ZBTB1: variants seen among roughly 807,000 people sequenced by gnomAD.
ZBTB1 encodes zinc finger and BTB domain containing 1, also known as zinc finger and BTB domain-containing protein 1.
ZBTB1 carries 13 observed loss-of-function variants against 51.6 expected under a neutral mutation model. The ratio of observed to expected loss-of-function variants is 0.25; its 90% CI spans 0.16 to 0.40. The LOEUF is 0.40. ZBTB1 is among the 10% of genes least tolerant of loss of function. The pLI is 1.00. For synonymous variants in ZBTB1, 240 were observed against 282.2 expected (o/e 0.85, Z 1.50); for missense variants, 567 against 856.5 (o/e 0.66, Z 4.22).
At chr14:64,517,873 A>G (rs2140141994) in intron 1 of ZBTB1, among the ~76,000 whole-genome samples, 2 of 143,648 alleles carry the variant, frequency 1.4e-5, no homozygotes, top group African/African-American at 5.3e-5. Context: ...AACCTCCCTC[A>G]GCCAGGCTGG....
intron 1 of ZBTB1, among the ~76,000 whole-genome samples, chr14:64,511,538 A>C (rs2079724247): frequency 6.8e-6 from 1 of 147,002 alleles, no homozygotes; most frequent in Non-Finnish European, 1.5e-5. Flanking sequence ...TTCAGGAATT[A>C]AAACTTTACA....
intron 1 of ZBTB1, among the ~76,000 whole-genome samples, chr14:64,517,782 T>TATATA (rs1491377695): frequency 1.8e-3 from 61 of 34,766 alleles, no homozygotes; most frequent in South Asian, 7.4e-3. Context: ...TATATATATA[T>TATATA]TTTTTTTTTT....
At position 64,522,716 on chromosome 14, in the gene ZBTB1, T is replaced by C. The variant is rs1161347115; in HGVS notation, c.1212T>C (p.Asn404=). 4 of 1,614,180 alleles carry C rather than the reference T, an allele frequency of 2.5e-6. No individual in the cohort carries two copies. Among genetic ancestry groups the C allele is most frequent in the East Asian group, 4.5e-5 (2 of 44,890 alleles). Residue 404 remains asparagine (N), a synonymous_variant, in exon 2 of 2, where the codon AAT becomes AAC. Coordinates refer to ENST00000683701, the MANE Select transcript of ZBTB1 (RefSeq NM_001123329.2). ...CTGATGAAAGAGGTGGTTTAGAGAA[T>C]ATGAGGCCCCCTAACAACAGCAGTC... ...VSADERGGLE[N]MRPPNNSSPV...
chr14:64,512,114 G>T (rs1337752232), intron 1 of ZBTB1, among the ~76,000 whole-genome samples: 3 of 152,032 alleles, frequency 2.0e-5, no homozygotes, highest in Admixed American at 2.0e-4. Context: ...TTTTTAAATT[G>T]TACTGTGCTT....
chr14:64,508,018 T>C (rs1306820719), intron 1 of ZBTB1, among the ~76,000 whole-genome samples: 2 of 152,162 alleles, frequency 1.3e-5, no homozygotes, highest in African/African-American at 4.8e-5. Flanking sequence ...TGTTTTCAGA[T>C]GTGGCATGGA....
chr14:64,526,079 A>G (rs1398661803), downstream of ZBTB1, among the ~76,000 whole-genome samples: 1 of 152,088 alleles, frequency 6.6e-6, no homozygotes, highest in Non-Finnish European at 1.5e-5. Context: ...CAGCCTCCCA[A>G]AGTGCTGGGA....
downstream of ZBTB1, chr14:64,525,000 A>G (rs1351691942): frequency 1.1e-6 from 1 of 910,494 alleles, no homozygotes; most frequent in Non-Finnish European, 1.3e-6. Flanking sequence ...TTCATAATGA[A>G]AGGGATTTTA....
At chr14:64,521,265 A>T (rs1294218039) in intron 1 of ZBTB1, among the ~76,000 whole-genome samples, 2 of 152,200 alleles carry the variant, frequency 1.3e-5, no homozygotes, top group African/African-American at 2.4e-5. Context: ...TTTGCTTTTG[A>T]TGCCTTTGTT....
chr14:64,528,144 A>G (rs1192491824), downstream of ZBTB1, among the ~76,000 whole-genome samples: 1 of 152,078 alleles, frequency 6.6e-6, no homozygotes, highest in Non-Finnish European at 1.5e-5. Flanking sequence ...TTTCTGGAAA[A>G]TCTTCCCCAA....
intron 1 of ZBTB1, among the ~76,000 whole-genome samples, chr14:64,513,757 T>C (rs528893439): frequency 6.6e-6 from 1 of 152,210 alleles, no homozygotes; most frequent in Admixed American, 6.5e-5. Flanking sequence ...TGCCTCCAGG[T>C]TCAAGCGATT....
At chr14:64,516,774 A>G (rs994694435) in intron 1 of ZBTB1, 1 of 152,258 alleles carries the variant, frequency 6.6e-6, no homozygotes, top group Non-Finnish European at 1.5e-5. Flanking sequence ...TGTTTGTTGA[A>G]TGAATAAATG....
chr14:64,528,799 A>T (rs1371280147), downstream of ZBTB1, among the ~76,000 whole-genome samples: 1 of 152,210 alleles, frequency 6.6e-6, no homozygotes, highest in East Asian at 1.9e-4. Context: ...TAAGTATCAT[A>T]CTAATTTTCC....
chr14:64,521,023 G>A (rs1376561392), intron 1 of ZBTB1, among the ~76,000 whole-genome samples: 1 of 152,010 alleles, frequency 6.6e-6, no homozygotes, highest in Non-Finnish European at 1.5e-5. Flanking sequence ...ACCACACCTG[G>A]TTAATTTTTT....
intron 1 of ZBTB1, among the ~76,000 whole-genome samples, chr14:64,514,780 G>GT (rs745409812): frequency 4.1e-4 from 63 of 152,284 alleles, no homozygotes; most frequent in Non-Finnish European, 7.5e-4. Context: ...TCCTTGTTTA[G>GT]TGTTCTTTCC....
chr14:64,517,132 C>T (rs550312849), intron 1 of ZBTB1, among the ~76,000 whole-genome samples: 2 of 152,312 alleles, frequency 1.3e-5, no homozygotes, highest in South Asian at 4.1e-4. Flanking sequence ...AAATAAGCAT[C>T]ACCACCATTA....
intron 1 of ZBTB1, chr14:64,514,474 A>G (rs1024785123): frequency 6.6e-6 from 1 of 152,218 alleles, no homozygotes; most frequent in African/African-American, 2.4e-5. Flanking sequence ...ATGCTTATTT[A>G]TAGACCCTTA....
intron 1 of ZBTB1, among the ~76,000 whole-genome samples, chr14:64,518,930 A>C (rs2079827208): frequency 7.0e-6 from 1 of 143,040 alleles, no homozygotes; most frequent in Non-Finnish European, 1.5e-5. Flanking sequence ...ATATATATAT[A>C]TATATAGTAT....
At position 64,522,234 on chromosome 14, in the gene ZBTB1, T is replaced by C; in HGVS notation, c.730T>C (p.Tyr244His). The C allele has an allele frequency of 6.2e-7, 1 of 1,614,224 alleles. No individual in the cohort carries two copies. Among genetic ancestry groups the C allele is most frequent in the South Asian group, 1.1e-5 (1 of 91,076 alleles). ...HVLTCTNRHLYQNTRSYHRIV... is the reference protein window; with the variant it reads ...HVLTCTNRHLHQNTRSYHRIV... Reference sequence around the variant, plus strand: ...GCTAACCTGTACTAACAGACATTTATACCAAAACACAAGATCTTACCATAG... The same window carrying C: ...GCTAACCTGTACTAACAGACATTTACACCAAAACACAAGATCTTACCATAG... Residue 244 changes from tyrosine to histidine, a missense_variant, in exon 2 of 2, where the codon TAC becomes CAC. Tyr to His is a moderately conservative substitution (Grantham distance 83). This residue lies in a region of ZBTB1 where 329 missense variants were observed against 406.3 expected (regional missense o/e 0.81). Transcript: ENST00000683701.
Position 64,524,287 on chromosome 14 carries a change from A to G in ZBTB1, c.*641A>G. The G allele has an allele frequency of 4.2e-6, 4 of 946,064 alleles. 1 individual carries two copies. The highest frequency in any genetic ancestry group is 5.0e-6 in the Non-Finnish European group (4 of 797,028). The allele number at this position is 946,064 out of a possible 1,614,324, so 58.6% of individuals were successfully genotyped here. ...TATTTCCTATAATTGATAAAATATTATCATTTAATTATCACATTTAAAACT... is the reference window on the plus strand; with the variant it reads ...TATTTCCTATAATTGATAAAATATTGTCATTTAATTATCACATTTAAAACT... On this transcript the variant is annotated 3_prime_UTR_variant, in exon 2 of 2. Coordinates refer to ENST00000683701, the MANE Select transcript of ZBTB1 (RefSeq NM_001123329.2).
Sources: gnomAD v4.1 joint callset for allele counts (sites outside exome capture counted in the v4.1 genomes callset) on GRCh38, gnomAD v4.1.1 for gene constraint, gnomAD v4.1.1 regional missense constraint, MANE v1.5 for transcripts, NCBI Gene and HGNC (gene_info 2026-07-23, HGNC 2026-07-21) for gene names.